Variants in ADGRL3 observed in about 807,000 individuals in gnomAD.
ADGRL3 encodes the protein adhesion G protein-coupled receptor L3.
A neutral mutation model predicts 153.5 loss-of-function variants in ADGRL3; 62 were observed. The ratio of observed to expected loss-of-function variants is 0.40; its 90% CI spans 0.33 to 0.50. ADGRL3 has a LOEUF of 0.50. Among genes scored for constraint, ADGRL3 ranks in the 20% least tolerant of loss-of-function variants. The pLI is 0.47. For missense variants in ADGRL3, 1,641 were observed against 1,859.4 expected, an observed-to-expected ratio of 0.88 and a Z score of 2.16; for synonymous variants, 710 against 672.5, an observed-to-expected ratio of 1.06 and a Z score of -0.86.
intron 17 of ADGRL3, among the ~76,000 whole-genome samples, chr4:61,972,534 T>A (rs1401844895): frequency 4.6e-5 from 7 of 152,216 alleles, no homozygotes; most frequent in South Asian, 2.1e-4. Flanking sequence ...TTTTGGTAGC[T>A]GTACCATGCT....
In ADGRL3 at chr4:61,892,815, A is replaced by T; in HGVS notation, c.1640A>T (p.Asp547Val). ...TPSPAVEVLD[D>V]MTTHLPSASS... ...TCTCCAGCTGTCGAGGTACTTGATGACATGACCACACACCTTCCATCAGCA... is the reference window on the plus strand; with the variant it reads ...TCTCCAGCTGTCGAGGTACTTGATGTCATGACCACACACCTTCCATCAGCA... Residue 547 changes from aspartate (D) to valine (V), a missense_variant, in exon 10 of 27, where the codon GAC (aspartate) becomes GTC (valine). Asp to Val is a radical substitution (Grantham distance 152). Transcript: ENST00000683033. 1 of 1,613,828 alleles carries T rather than the reference A, an allele frequency of 6.2e-7. No individual in the cohort carries two copies. Among genetic ancestry groups the T allele is most frequent in the Non-Finnish European group, 8.5e-7 (1 of 1,179,852 alleles).
intron 8 of ADGRL3, among the ~76,000 whole-genome samples, chr4:61,808,990 C>T (rs909047952): frequency 3.9e-5 from 6 of 151,922 alleles, no homozygotes; most frequent in African/African-American, 1.5e-4. Flanking sequence ...TTATTAAAAA[C>T]CTCAAGAGTA....
chr4:61,223,733 G>T (rs915697437), intron 1 of ADGRL3, among the ~76,000 whole-genome samples: 2 of 152,172 alleles, frequency 1.3e-5, no homozygotes, highest in Non-Finnish European at 2.9e-5. Context: ...ACATTGGCCA[G>T]TTTCTGTCTG....
chr4:61,969,949 G>C (rs2099020914), intron 17 of ADGRL3, among the ~76,000 whole-genome samples: 1 of 152,086 alleles, frequency 6.6e-6, no homozygotes, highest in African/African-American at 2.4e-5. Flanking sequence ...TGAAATCTGA[G>C]GCTTTTTATG....
At chr4:61,428,842 T>G (rs62305303) in intron 2 of ADGRL3, among the ~76,000 whole-genome samples, 1 of 117,968 alleles carries the variant, frequency 8.5e-6, no homozygotes, top group African/African-American at 3.0e-5. Context: ...TATCTATCTA[T>G]CTATCTATCT....
At chr4:61,676,765 T>C in intron 5 of ADGRL3, 61 bp from the exon 6 acceptor site, 1 of 1,095,072 alleles carries the variant, frequency 9.1e-7, no homozygotes, top group Non-Finnish European at 1.4e-6. Context: ...TTAGTGTTGA[T>C]GTTGATAATA....
At chr4:61,263,140 A>G (rs568136259) in intron 1 of ADGRL3, among the ~76,000 whole-genome samples, 1 of 152,220 alleles carries the variant, frequency 6.6e-6, no homozygotes, top group Non-Finnish European at 1.5e-5. Flanking sequence ...GCAAATGTAA[A>G]ATAATTGCAG....
At chr4:61,570,914 T>C (rs2098836018) in intron 4 of ADGRL3, among the ~76,000 whole-genome samples, 1 of 152,182 alleles carries the variant, frequency 6.6e-6, no homozygotes, top group Non-Finnish European at 1.5e-5. Context: ...ACTTCTGTGT[T>C]TATTTCAGTT....
intron 5 of ADGRL3, among the ~76,000 whole-genome samples, chr4:61,639,619 CAATT>C (rs1014451586): frequency 1.5e-4 from 23 of 152,174 alleles, no homozygotes; most frequent in African/African-American, 5.1e-4. Context: ...TTATTTAACT[CAATT>C]AATACTTTCT....
chr4:61,378,841 G>A (rs1308442842), intron 1 of ADGRL3, among the ~76,000 whole-genome samples: 3 of 151,958 alleles, frequency 2.0e-5, no homozygotes, highest in South Asian at 2.1e-4. Flanking sequence ...TTTGAGAGGG[G>A]CTTGAATGGT....
chr4:61,900,830 C>T (rs925851325), intron 11 of ADGRL3, among the ~76,000 whole-genome samples: 7 of 152,054 alleles, frequency 4.6e-5, no homozygotes, highest in Non-Finnish European at 2.9e-5. Flanking sequence ...AATTAATGTT[C>T]TTAAAAAAGT....
At chr4:61,585,830 A>C (rs2098944216) in intron 4 of ADGRL3, among the ~76,000 whole-genome samples, 1 of 152,056 alleles carries the variant, frequency 6.6e-6, no homozygotes, top group Admixed American at 6.6e-5. Flanking sequence ...TATAAAAATT[A>C]AATATATATG....
intron 24 of ADGRL3, among the ~76,000 whole-genome samples, chr4:62,042,560 G>A (rs1216730727): frequency 2.0e-5 from 3 of 151,916 alleles, no homozygotes; most frequent in African/African-American, 7.3e-5. Context: ...GGGGACAGGT[G>A]CAATTAGAGC....
At chr4:61,517,189 G>T in intron 3 of ADGRL3, 126 bp from the exon 4 acceptor site, 1 of 631,446 alleles carries the variant, frequency 1.6e-6, no homozygotes, top group Admixed American at 2.3e-5. Context: ...AGGGCCTGGG[G>T]TGGCTGGAGT....
chr4:61,681,575 G>A (rs2095336352), intron 6 of ADGRL3, among the ~76,000 whole-genome samples: 1 of 152,012 alleles, frequency 6.6e-6, no homozygotes, highest in Non-Finnish European at 1.5e-5. Flanking sequence ...CATTTGAATA[G>A]TTGTGTGCAT....
At chr4:61,359,714 TTTTA>T (rs2096253285) in intron 1 of ADGRL3, among the ~76,000 whole-genome samples, 1 of 152,174 alleles carries the variant, frequency 6.6e-6, no homozygotes, top group Admixed American at 6.5e-5. Flanking sequence ...GTACCTTGTA[TTTTA>T]TTTGTTTGTC....
chr4:61,815,556 A>C (rs529375138), intron 9 of ADGRL3, among the ~76,000 whole-genome samples: 1 of 152,214 alleles, frequency 6.6e-6, no homozygotes, highest in African/African-American at 2.4e-5. Context: ...GAATAGATAC[A>C]GGGAAAGGGG....
chr4:61,813,527 A>G (rs1405917215), intron 8 of ADGRL3, among the ~76,000 whole-genome samples: 1 of 152,116 alleles, frequency 6.6e-6, no homozygotes, highest in Non-Finnish European at 1.5e-5. Flanking sequence ...TTTTCTTATA[A>G]CTCATTTTTA....
intron 9 of ADGRL3, among the ~76,000 whole-genome samples, chr4:61,876,333 GC>G (rs2098474998): frequency 6.7e-6 from 1 of 150,174 alleles, no homozygotes; most frequent in African/African-American, 2.5e-5. Context: ...TTAGGGACTT[GC>G]CCAAAGTTTC....
Sources: gnomAD v4.1 joint callset for allele counts (sites outside exome capture counted in the v4.1 genomes callset) on GRCh38, gnomAD v4.1.1 for gene constraint, MANE v1.5 for transcripts, NCBI Gene and HGNC (gene_info 2026-07-23, HGNC 2026-07-21) for gene names.